GRIK1: variants seen among roughly 807,000 people sequenced by gnomAD.
The protein encoded by GRIK1 is glutamate receptor ionotropic, kainate 1.
GRIK1 carries 69 observed loss-of-function variants against 105.7 expected under a neutral mutation model. The observed-to-expected ratio is 0.65, with a 90% CI of 0.54 to 0.80. The LOEUF (loss-of-function observed/expected upper bound fraction) is 0.80. Ranked by LOEUF, GRIK1 falls within the 30% of genes least tolerant of loss-of-function variation. The probability of loss-of-function intolerance (pLI) is 0.00; values close to 1 mark genes in which losing one functional copy is unlikely to be tolerated. For missense variants in GRIK1, 1,109 were observed against 1,167.3 expected (o/e 0.95, Z 0.73); for synonymous variants, 438 against 431.3 (o/e 1.02, Z -0.19).
rs761892509 is a variant in GRIK1, at chr21:29,673,101, C to T, written c.608G>A (p.Arg203His). The T allele has an allele frequency of 1.7e-5, 27 of 1,612,084 alleles. 1 individual carries two copies. The highest frequency in any genetic ancestry group is 1.2e-4 in the Admixed American group (7 of 59,972). ...ATCTTTATTCCCAGAGGGCAGCTGG[C>T]GGATTTTGATTTTAATATTATATCT... ...PSRYNIKIKI[R>H]QLPSGNKDAK... Residue 203 changes from arginine to histidine, a missense_variant, in exon 4 of 18, where the codon CGC becomes CAC. Arg to His is a conservative substitution (Grantham distance 29). Transcript: ENST00000327783.
intron 14 of GRIK1, among the ~76,000 whole-genome samples, chr21:29,575,028 T>C (rs1473669809): frequency 6.6e-6 from 1 of 152,164 alleles, no homozygotes; most frequent in Non-Finnish European, 1.5e-5. Context: ...ATAAAAAGTG[T>C]TTAAAAATCT....
At chr21:29,834,275 A>G (rs1313629106) in intron 1 of GRIK1, among the ~76,000 whole-genome samples, 2 of 150,004 alleles carry the variant, frequency 1.3e-5, no homozygotes, top group Non-Finnish European at 3.0e-5. Context: ...AAGGAAATTT[A>G]TTTTTTGAAA....
rs553345169 is a variant in GRIK1, at chr21:29,682,328, C to G, written c.544+7400G>C. ...GTTCTTTTAGACTTACTCATGTATT[C>G]TGTACATGAATGTTCTCAATATCCA... On this transcript the variant is annotated intron_variant, in intron 3 of 17. Coordinates refer to ENST00000327783, the MANE Select transcript of GRIK1 (RefSeq NM_001330994.2). Among the ~76,000 whole-genome samples, 5 of 152,266 alleles carry G rather than the reference C, an allele frequency of 3.3e-5. No individual in the cohort carries two copies. In the South Asian group the frequency reaches 1.0e-3, roughly 32 times the overall value.
At chr21:29,733,114 C>T (rs1247256660) in intron 1 of GRIK1, among the ~76,000 whole-genome samples, 3 of 152,178 alleles carry the variant, frequency 2.0e-5, no homozygotes, top group Non-Finnish European at 4.4e-5. Context: ...GGCCTTGCTA[C>T]TACTAAATGA....
intron 1 of GRIK1, among the ~76,000 whole-genome samples, chr21:29,821,892 T>C (rs907030962): frequency 1.3e-5 from 2 of 152,068 alleles, no homozygotes; most frequent in African/African-American, 2.4e-5. Context: ...ATTGTTAAAA[T>C]ACTTGTAGGC....
At chr21:29,896,187 G>A (rs553015580) in intron 1 of GRIK1, among the ~76,000 whole-genome samples, 1 of 152,322 alleles carries the variant, frequency 6.6e-6, no homozygotes, top group Admixed American at 6.5e-5. Flanking sequence ...AAGGGAAGTT[G>A]TATCAGTGAG....
chr21:29,537,956 C>G (rs2089909073), intron 16 of GRIK1, 72 bp from the exon 17 acceptor site: 2 of 720,208 alleles, frequency 2.8e-6, no homozygotes, highest in East Asian at 5.3e-5. Flanking sequence ...ATTCTGGCAG[C>G]AGCAATGATG....
chr21:29,654,384 C>G (rs1455197842), intron 5 of GRIK1, among the ~76,000 whole-genome samples: 3 of 152,170 alleles, frequency 2.0e-5, no homozygotes, highest in Admixed American at 2.0e-4. Context: ...AGACATCTGA[C>G]AGGTAACCCC....
intron 1 of GRIK1, among the ~76,000 whole-genome samples, chr21:29,853,039 A>G (rs1227708511): frequency 6.6e-6 from 1 of 152,218 alleles, no homozygotes; most frequent in Non-Finnish European, 1.5e-5. Context: ...TGTCATTCTA[A>G]AAGTAGTGAA....
At chr21:29,824,684 C>T (rs1052655108) in intron 1 of GRIK1, among the ~76,000 whole-genome samples, 4 of 151,204 alleles carry the variant, frequency 2.6e-5, no homozygotes, top group Non-Finnish European at 4.4e-5. Context: ...GTGAATGTGG[C>T]GAGAAGTCAT....
At chr21:29,876,810 T>C (rs142252473) in intron 1 of GRIK1, among the ~76,000 whole-genome samples, 1 of 152,308 alleles carries the variant, frequency 6.6e-6, no homozygotes, top group Non-Finnish European at 1.5e-5. Context: ...TAACTAAAGT[T>C]AGGCAATTCG....
chr21:29,579,748 T>C (rs879439263), intron 13 of GRIK1, among the ~76,000 whole-genome samples: 1 of 151,978 alleles, frequency 6.6e-6, no homozygotes, highest in Non-Finnish European at 1.5e-5. Flanking sequence ...CAGAGTCTGG[T>C]TGGGGCTGAC....
At chr21:29,829,502 T>C (rs1264078383) in intron 1 of GRIK1, among the ~76,000 whole-genome samples, 2 of 152,194 alleles carry the variant, frequency 1.3e-5, no homozygotes, top group East Asian at 3.8e-4. Context: ...AAGAGCTCAA[T>C]GAACATTTGT....
rs376778152 is a variant in GRIK1 at position 29,560,364 on chromosome 21, T to TCTTCCTTCCTTCCTTC, written c.2356+1244_2356+1259dup. On this transcript the variant is annotated intron_variant, in intron 15 of 17. Coordinates refer to ENST00000327783, the MANE Select transcript of GRIK1 (RefSeq NM_001330994.2). ...CTTTCTTTCTTTCTTTCTTTTTCTTTCTTCCTTCCTTCCTTCCTTCCTTCC... is the reference window on the plus strand; with the variant it reads ...CTTTCTTTCTTTCTTTCTTTTTCTTTCTTCCTTCCTTCCTTCCTTCCTTCCTTCCTTCCTTCCTTCC... 1.6e-3 allele frequency among the ~76,000 whole-genome samples: 59 copies of TCTTCCTTCCTTCCTTC among 35,928 alleles called. 1 individual carries two copies. Among genetic ancestry groups the TCTTCCTTCCTTCCTTC allele is most frequent in the South Asian group, 5.4e-3 (4 of 742 alleles). The allele number at this position is 35,928 out of a possible 152,430, so 23.6% of individuals were successfully genotyped here.
At chr21:29,866,279 G>T (rs1453359859) in intron 1 of GRIK1, among the ~76,000 whole-genome samples, 1 of 152,030 alleles carries the variant, frequency 6.6e-6, no homozygotes, top group Non-Finnish European at 1.5e-5. Flanking sequence ...TAGAGACAGG[G>T]TCTTGAACTC....
rs1017014045 is a variant in GRIK1 at position 29,719,250 on chromosome 21, T to C, written c.119-25187A>G. On this transcript the variant is annotated intron_variant, in intron 1 of 17. Coordinates refer to ENST00000327783, the MANE Select transcript of GRIK1 (RefSeq NM_001330994.2). The stretch of plus-strand genomic sequence containing the variant: ...TGGTATTTTTATCTAGAAAAAATAC[T>C]TTTATCTAGATGAAATTTTTTTCCT... Among the ~76,000 whole-genome samples, 3 of 151,814 alleles carry C rather than the reference T, an allele frequency of 2.0e-5. No homozygotes were observed. The South Asian group carries it at 6.2e-4, about 31-fold the overall frequency.
chr21:29,863,964 C>G (rs2068726244), intron 1 of GRIK1, among the ~76,000 whole-genome samples: 1 of 152,142 alleles, frequency 6.6e-6, no homozygotes, highest in Non-Finnish European at 1.5e-5. Context: ...CCTTCATCCT[C>G]CTGTTCCAAT....
At chr21:29,781,472 C>G (rs562225422) in intron 1 of GRIK1, among the ~76,000 whole-genome samples, 3 of 152,282 alleles carry the variant, frequency 2.0e-5, no homozygotes, top group East Asian at 1.9e-4. Context: ...TTCCCACTCT[C>G]ATTACTCTCT....
In GRIK1 at chr21:29,596,542, T is replaced by G; in HGVS notation, c.1235A>C (p.Tyr412Ser). ...KAAGEVSKHL[Y>S]KVWKKIGIWN... ...AGTACAAACCTTCTTCCACACTTTA[T>G]ACAAGTGTTTAGACACTTCGCCAGC... The change falls in exon 9 of 18, where the codon TAT becomes TCT. Residue 412 changes from tyrosine (Y) to serine (S), a missense_variant. Coordinates refer to ENST00000327783, the MANE Select transcript of GRIK1 (RefSeq NM_001330994.2). 1 of 1,608,166 alleles carries G rather than the reference T, an allele frequency of 6.2e-7. No individual in the cohort carries two copies. Among genetic ancestry groups the G allele is most frequent in the African/African-American group, 1.3e-5 (1 of 74,914 alleles).
Sources: allele counts gnomAD v4.1 joint callset (sites outside exome capture counted in the v4.1 genomes callset), GRCh38; gene constraint gnomAD v4.1.1; transcripts MANE v1.5; gene names NCBI Gene and HGNC (gene_info 2026-07-23, HGNC 2026-07-21).